PHKA1: variants seen among roughly 807,000 people sequenced by gnomAD.
PHKA1 encodes the protein phosphorylase kinase regulatory subunit alpha 1.
PHKA1 carries 60 observed loss-of-function variants against 110.2 expected under a neutral mutation model. The ratio of observed to expected loss-of-function variants is 0.54; its 90% CI spans 0.44 to 0.68. PHKA1 has a LOEUF of 0.68. Among genes scored for constraint, PHKA1 ranks in the 30% least tolerant of loss-of-function variants. The pLI, the probability that PHKA1 is intolerant of heterozygous loss-of-function variation, is 0.00. For missense variants in PHKA1, 801 were observed against 942.5 expected, an observed-to-expected ratio of 0.85 and a Z score of 1.97; for synonymous variants, 316 against 333.6, an observed-to-expected ratio of 0.95 and a Z score of 0.58.
At chrX:72,695,586 T>TA (rs1438749618) in intron 4 of PHKA1, 122 bp downstream of exon 4, 5 of 661,294 alleles carry the variant, frequency 7.6e-6, no homozygotes, top group Admixed American at 2.9e-5. Flanking sequence ...TAATAAATAA[T>TA]AAAAAATACC....
At chrX:72,594,755 A>G (rs782568618) in intron 28 of PHKA1, among the ~76,000 whole-genome samples, 2 of 112,695 alleles carry the variant, frequency 1.8e-5, no homozygotes, top group South Asian at 7.4e-4. Context: ...GTTTGAGACC[A>G]CCTTGGGTGA....
chrX:72,645,464 G>A (rs1028142199), intron 13 of PHKA1, among the ~76,000 whole-genome samples: 5 of 112,246 alleles, frequency 4.5e-5, no homozygotes, highest in African/African-American at 1.6e-4. Flanking sequence ...GGAACCTCAT[G>A]CTAATGGGCT....
chrX:72,630,924 C>T (rs1431724315), intron 16 of PHKA1, among the ~76,000 whole-genome samples: 1 of 107,281 alleles, frequency 9.3e-6, no homozygotes, highest in Non-Finnish European at 1.9e-5. Context: ...ATCTTTTTAA[C>T]GTGAATGTTA....
chrX:72,639,353 T>C (rs184953120), intron 14 of PHKA1, among the ~76,000 whole-genome samples: 1 of 111,045 alleles, frequency 9.0e-6, no homozygotes, highest in Non-Finnish European at 1.9e-5. Context: ...CTGGCCAACA[T>C]GGTGAAACCC....
At position 72,656,112 on chromosome X, in the gene PHKA1, C is replaced by G; in HGVS notation, c.1041+8G>C. ...ATTCTGCTGAAAACTCTTTCCCCAG[C>G]TTATTACCTGTTCTGCATTGCCACT... On this transcript the variant is annotated splice_region_variant and intron_variant, in intron 10 of 31. Transcript: ENST00000373542. 1 of 1,210,410 alleles carries G rather than the reference C, an allele frequency of 8.3e-7. No individual in the cohort carries two copies. The highest frequency in any genetic ancestry group is 1.1e-6 in the Non-Finnish European group (1 of 894,545).
chrX:72,662,940 T>A (rs1461355587), intron 8 of PHKA1, among the ~76,000 whole-genome samples: 1 of 110,187 alleles, frequency 9.1e-6, no homozygotes, highest in Non-Finnish European at 1.9e-5. Context: ...TTGGAAGAGG[T>A]ACCTGCTCCA....
intron 28 of PHKA1, among the ~76,000 whole-genome samples, chrX:72,597,222 G>T (rs781949333): frequency 8.9e-6 from 1 of 112,252 alleles, no homozygotes; most frequent in Admixed American, 9.5e-5. Flanking sequence ...TGGATTCTGG[G>T]AGAGTTCTCA....
At chrX:72,648,699 T>C (rs782259095) in intron 13 of PHKA1, among the ~76,000 whole-genome samples, 2 of 111,535 alleles carry the variant, frequency 1.8e-5, no homozygotes, top group Admixed American at 9.5e-5. Flanking sequence ...CTGGGAGATT[T>C]AGATGAACAA....
intron 5 of PHKA1, among the ~76,000 whole-genome samples, chrX:72,682,852 C>G (rs2053922848): frequency 1.3e-5 from 1 of 78,365 alleles, no homozygotes; most frequent in Non-Finnish European, 2.4e-5. Flanking sequence ...TATCTGCTGA[C>G]CTTCCCTCCA....
chrX:72,701,295 A>G (rs781945502), intron 3 of PHKA1, among the ~76,000 whole-genome samples: 96 of 112,239 alleles, frequency 8.6e-4, no homozygotes, highest in African/African-American at 2.8e-3. Flanking sequence ...GACCCTTGGT[A>G]AGTAAAGAAT....
At chrX:72,674,564 T>A (rs1376107440) in intron 6 of PHKA1, among the ~76,000 whole-genome samples, 1 of 112,077 alleles carries the variant, frequency 8.9e-6, no homozygotes, top group East Asian at 2.8e-4. Context: ...CCAGTGATGA[T>A]GAGCATTTTT....
chrX:72,655,871 C>T (rs1403173603), intron 10 of PHKA1, among the ~76,000 whole-genome samples: 4 of 112,324 alleles, frequency 3.6e-5, no homozygotes, highest in Non-Finnish European at 7.5e-5. Context: ...CCGCCCGCCT[C>T]GGCCTCCCAA....
intron 23 of PHKA1, among the ~76,000 whole-genome samples, chrX:72,606,307 C>T (rs2052726845): frequency 9.0e-6 from 1 of 110,561 alleles, no homozygotes; most frequent in African/African-American, 3.3e-5. Context: ...TTTACAATCA[C>T]AGTTGACAGA....
At chrX:72,710,207 A>C (rs2054351072) in intron 2 of PHKA1, among the ~76,000 whole-genome samples, 1 of 112,034 alleles carries the variant, frequency 8.9e-6, no homozygotes, top group African/African-American at 3.2e-5. Context: ...GAACAACATA[A>C]GTTTGAACTG....
chrX:72,703,515 C>CA (rs782633832), intron 3 of PHKA1, among the ~76,000 whole-genome samples: 2 of 109,592 alleles, frequency 1.8e-5, no homozygotes, highest in Non-Finnish European at 1.9e-5. Flanking sequence ...TCCATCCCTA[C>CA]AAAAAAAAAT....
chrX:72,590,226 G>T (rs2052498413), intron 29 of PHKA1, among the ~76,000 whole-genome samples: 1 of 111,492 alleles, frequency 9.0e-6, no homozygotes, highest in Non-Finnish European at 1.9e-5. Context: ...CCAAAACAGA[G>T]ATATAGACCA....
rs781862402 is a variant in PHKA1, at chrX:72,626,764, G to GTC, written c.1793+205_1793+206dup. Among the ~76,000 whole-genome samples the GTC allele has an allele frequency of 0.017, 1,861 of 111,530 alleles. 52 individuals are homozygous for GTC. The highest frequency in any genetic ancestry group is 0.058 in the African/African-American group (1,777 of 30,645). ...CTATAATAAAAGTTATGTGAACGTA[G>GTC]TCTCTCTCTCTGTCTCAAAATATCT... On this transcript the variant is annotated intron_variant, in intron 17 of 31. Coordinates refer to ENST00000373542, the MANE Select transcript of PHKA1 (RefSeq NM_002637.4).
chrX:72,697,727 G>A (rs1025421193), intron 3 of PHKA1, among the ~76,000 whole-genome samples: 1 of 110,639 alleles, frequency 9.0e-6, no homozygotes, highest in African/African-American at 3.3e-5. Flanking sequence ...GCTCACGCCT[G>A]TAATACCAGC....
At chrX:72,670,570 C>T (rs2053679842) in intron 6 of PHKA1, among the ~76,000 whole-genome samples, 1 of 111,869 alleles carries the variant, frequency 8.9e-6, no homozygotes, top group Non-Finnish European at 1.9e-5. Flanking sequence ...AGGGAATCCT[C>T]CCTAACTCAT....
Sources: allele counts gnomAD v4.1 joint callset (sites outside exome capture counted in the v4.1 genomes callset), GRCh38; gene constraint gnomAD v4.1.1; transcripts MANE v1.5; gene names NCBI Gene and HGNC (gene_info 2026-07-23, HGNC 2026-07-21).